PDXDC1: variants seen among roughly 807,000 people sequenced by gnomAD.
PDXDC1 encodes pyridoxal dependent decarboxylase domain containing 1, also known as pyridoxal-dependent decarboxylase domain-containing protein 1.
PDXDC1 carries 42 observed loss-of-function variants against 100.1 expected under a neutral mutation model. The observed-to-expected ratio is 0.42, with a 90% CI of 0.33 to 0.54. The LOEUF (loss-of-function observed/expected upper bound fraction) is 0.54, where lower values mean the gene tolerates loss of function less well. PDXDC1 is among the 20% of genes least tolerant of loss of function. The pLI is 0.10. For missense variants in PDXDC1, 636 were observed against 979.2 expected, an observed-to-expected ratio of 0.65 and a Z score of 4.68; for synonymous variants, 260 against 371.7, an observed-to-expected ratio of 0.70 and a Z score of 3.46.
At chr16:14,991,679 C>G (rs541598034) in intron 1 of PDXDC1, among the ~76,000 whole-genome samples, 1 of 152,218 alleles carries the variant, frequency 6.6e-6, no homozygotes, top group Non-Finnish European at 1.5e-5. Context: ...CTACCATGCC[C>G]GGCTTACTTT....
intron 16 of PDXDC1, chr16:15,136,459 C>T (rs369890057): frequency 4.2e-5 from 26 of 612,124 alleles, no homozygotes; most frequent in East Asian, 2.5e-4. Flanking sequence ...TCACCAGGGC[C>T]GGCCCAGCTC....
intron 12 of PDXDC1, among the ~76,000 whole-genome samples, chr16:15,020,463 G>A (rs1410047422): frequency 6.6e-6 from 1 of 152,254 alleles, no homozygotes; most frequent in Non-Finnish European, 1.5e-5. Context: ...GGCCGAGGTG[G>A]GCAGATCATG....
intron 16 of PDXDC1, chr16:15,047,189 G>T: frequency 1.9e-6 from 1 of 516,128 alleles, no homozygotes; most frequent in African/African-American, 1.9e-5. Context: ...CGACGTTCCT[G>T]AGACGACATC....
intron 16 of PDXDC1, among the ~76,000 whole-genome samples, chr16:15,081,941 C>G (rs1458534662): frequency 1.3e-5 from 2 of 152,184 alleles, no homozygotes; most frequent in Non-Finnish European, 2.9e-5. Flanking sequence ...TCTTGAACAA[C>G]TGGTTAGTGT....
intron 1 of PDXDC1, chr16:14,988,631 C>T: frequency 1.9e-6 from 3 of 1,613,926 alleles, no homozygotes; most frequent in East Asian, 4.5e-5. Context: ...CACGGGACTC[C>T]ACGGACTCGT....
chr16:15,030,050 G>T lies in PDXDC1; in HGVS notation c.1393G>T (p.Ala465Ser). ...TCLRFSPLMT[A>S]AVLGTRGEDV... is the part of the protein sequence containing the mutation. ...TTTGCGGTTCAGCCCTTTGATGACC[G>T]CAGCAGGTAAACCAGGCTTGGTGGA... Residue 465 changes from alanine (A) to serine (S), a missense_variant, in exon 16 of 23, where the codon GCA becomes TCA. Physicochemically the swap from Ala to Ser is moderately conservative, Grantham distance 99. Around this residue, in one of 4 missense-constraint regions of PDXDC1, gnomAD observed 15 missense variants for 49.6 expected, o/e 0.30. Coordinates refer to ENST00000396410, the MANE Select transcript of PDXDC1 (RefSeq NM_015027.4). 2 of 1,552,954 alleles carry T rather than the reference G, an allele frequency of 1.3e-6. No homozygotes were observed. The highest frequency in any genetic ancestry group is 1.7e-6 in the Non-Finnish European group (2 of 1,147,460).
rs756628416 is a variant in PDXDC1 at position 15,104,597 on chromosome 16, C to T, written c.1400-34282C>T. 17 of 1,599,518 alleles carry T rather than the reference C, an allele frequency of 1.1e-5. No homozygotes were observed. The South Asian group carries it at 1.8e-4, about 17-fold the overall frequency. The stretch of plus-strand genomic sequence containing the variant: ...AGGGTGGAAGGGGATAGAGCAGACA[C>T]TCCGCAGGTGTCTTGAGGCTCAGGG... On this transcript the variant is annotated intron_variant, in intron 16 of 16. Coordinates refer to the PDXDC1 transcript ENST00000535621.
intron 16 of PDXDC1, among the ~76,000 whole-genome samples, chr16:15,098,942 C>T (rs2046447944): frequency 6.6e-6 from 1 of 152,166 alleles, no homozygotes; most frequent in Non-Finnish European, 1.5e-5. Context: ...AATATGACCT[C>T]ATCTCTCTAG....
chr16:15,028,876 A>G lies in PDXDC1; in HGVS notation c.1205-2A>G, dbSNP rs761403286. On this transcript the variant is annotated splice_acceptor_variant, in intron 14 of 22. Transcript: ENST00000396410. LOFTEE classifies it high-confidence loss of function. ...GACTCCCTTTCTGTGTTTTGGTGTC[A>G]GATCCGGTGTTTAAAGCCGTCCCAG... 7 of 1,613,178 alleles carry G rather than the reference A, an allele frequency of 4.3e-6. No homozygotes were observed. Among genetic ancestry groups the G allele is most frequent in the Non-Finnish European group, 5.1e-6 (6 of 1,179,498 alleles).
Position 15,034,572 on chromosome 16 carries a change from T to C in PDXDC1, c.2002+19T>C. 6.4e-7 allele frequency: 1 copy of C among 1,574,380 alleles called. No homozygotes were observed. Among genetic ancestry groups the C allele is most frequent in the Non-Finnish European group, 8.7e-7 (1 of 1,144,454 alleles). Reference sequence around the variant, plus strand: ...ACAGCAGGTAGGACGGCATAGCCTCTTCCCAGGTCTTGCTGACCTTGGGAG... The same window carrying C: ...ACAGCAGGTAGGACGGCATAGCCTCCTCCCAGGTCTTGCTGACCTTGGGAG... On this transcript the variant is annotated intron_variant, in intron 21 of 22. Coordinates refer to ENST00000396410, the MANE Select transcript of PDXDC1 (RefSeq NM_015027.4).
chr16:15,023,226 T>C (rs2042337625), intron 13 of PDXDC1, among the ~76,000 whole-genome samples: 1 of 152,280 alleles, frequency 6.6e-6, no homozygotes. Context: ...TCTGATATCT[T>C]CCTGAAGTGA....
At chr16:15,097,852 T>C (rs1405170784) in intron 16 of PDXDC1, among the ~76,000 whole-genome samples, 1 of 151,970 alleles carries the variant, frequency 6.6e-6, no homozygotes, top group African/African-American at 2.4e-5. Flanking sequence ...TCCTAAACAA[T>C]GCACTATATT....
intron 16 of PDXDC1, among the ~76,000 whole-genome samples, chr16:15,091,917 G>A (rs1436580413): frequency 3.9e-5 from 6 of 152,178 alleles, no homozygotes; most frequent in African/African-American, 1.2e-4. Context: ...GGTGGCTCAC[G>A]TCTGTAATCC....
chr16:15,027,728 A>G (rs1172190973), intron 14 of PDXDC1, among the ~76,000 whole-genome samples: 2 of 152,262 alleles, frequency 1.3e-5, no homozygotes, highest in South Asian at 4.1e-4. Context: ...CCTGCTCTCC[A>G]TGACCAGCCG....
chr16:15,031,639 C>G (rs2043071147), intron 16 of PDXDC1, 96 bp from the exon 17 acceptor site: 1 of 1,055,948 alleles, frequency 9.5e-7, no homozygotes, highest in African/African-American at 1.6e-5. Context: ...TGGAGTACCT[C>G]GAGCTTTTGA....
intron 16 of PDXDC1, chr16:15,055,774 G>A (rs1416230762): frequency 7.9e-6 from 4 of 508,758 alleles, no homozygotes; most frequent in East Asian, 3.7e-5. Flanking sequence ...GACGGCCGGG[G>A]CTCCGGATGT....
intron 1 of PDXDC1, among the ~76,000 whole-genome samples, chr16:14,991,098 C>T (rs1241665167): frequency 2.0e-5 from 3 of 152,278 alleles, no homozygotes; most frequent in African/African-American, 7.2e-5. Flanking sequence ...CATGTACACT[C>T]CAGAGTCAGA....
chr16:15,141,496 C>A, downstream of PDXDC1, among the ~76,000 whole-genome samples: 1 of 152,206 alleles, frequency 6.6e-6, no homozygotes, highest in Non-Finnish European at 1.5e-5. Flanking sequence ...GGTGCAGTTC[C>A]CTTCCCCCAG....
intron 16 of PDXDC1, among the ~76,000 whole-genome samples, chr16:15,088,236 G>A (rs1350592719): frequency 6.6e-6 from 1 of 152,186 alleles, no homozygotes; most frequent in Non-Finnish European, 1.5e-5. Flanking sequence ...ACTTTTGGGA[G>A]GCCAAGGCAG....
Sources: allele counts gnomAD v4.1 joint callset (sites outside exome capture counted in the v4.1 genomes callset), GRCh38; gene constraint gnomAD v4.1.1; regional missense constraint gnomAD v4.1.1; transcripts MANE v1.5; gene names NCBI Gene and HGNC (gene_info 2026-07-23, HGNC 2026-07-21).